The following TTC3 variants were observed in gnomAD, a reference collection of about 807,000 sequenced individuals.
TTC3 encodes the protein tetratricopeptide repeat domain 3.
TTC3 carries 180 observed loss-of-function variants against 249.6 expected under a neutral mutation model. That is an observed-to-expected ratio of 0.72 (90% CI 0.64 to 0.82). The LOEUF is 0.82. TTC3 is among the 40% of genes least tolerant of loss of function. The pLI is 0.00. For synonymous variants in TTC3, 717 were observed against 805.0 expected (o/e 0.89, Z 1.85); for missense variants, 2,061 against 2,398.4 (o/e 0.86, Z 2.94).
At chr21:37,106,554 T>G (rs764090382) in intron 10 of TTC3, among the ~76,000 whole-genome samples, 1 of 152,216 alleles carries the variant, frequency 6.6e-6, no homozygotes, top group African/African-American at 2.4e-5. Context: ...GCAGTCCATC[T>G]GGACCTGGTG....
chr21:37,074,638 A>G (rs910138918), intron 1 of TTC3, among the ~76,000 whole-genome samples: 2 of 146,352 alleles, frequency 1.4e-5, no homozygotes, highest in Non-Finnish European at 3.0e-5. Flanking sequence ...CCTTATAACT[A>G]CGACTCTAGT....
chr21:37,200,106 C>T, intron 44 of TTC3, 126 bp from the exon 45 acceptor site: 1 of 677,684 alleles, frequency 1.5e-6, no homozygotes, highest in Non-Finnish European at 2.4e-6. Flanking sequence ...GACTGTTTAG[C>T]TGTAATTGTG....
At chr21:37,186,896 A>G (rs148815529) in intron 37 of TTC3, among the ~76,000 whole-genome samples, 153 bp from the exon 38 acceptor site, 7 of 152,322 alleles carry the variant, frequency 4.6e-5, no homozygotes, top group African/African-American at 1.2e-4. Flanking sequence ...GAGCCTGTGT[A>G]TTGTGTAGTA....
intron 7 of TTC3, among the ~76,000 whole-genome samples, chr21:37,092,256 C>T (rs1399379154): frequency 6.6e-6 from 1 of 152,146 alleles, no homozygotes; most frequent in Non-Finnish European, 1.5e-5. Flanking sequence ...ACCATCTCTG[C>T]TGAGATAAAG....
intron 11 of TTC3, among the ~76,000 whole-genome samples, chr21:37,114,815 A>G (rs1307596091): frequency 6.6e-6 from 1 of 152,204 alleles, no homozygotes; most frequent in Non-Finnish European, 1.5e-5. Flanking sequence ...GGGTTAAGAA[A>G]ATATGGCACA....
In TTC3 at chr21:37,074,104, C is replaced by G. The variant is rs559657785; in HGVS notation, c.-12+740C>G. ...GTGCGTGTCACGACTCTGTTGCCAC[C>G]TGTTTTCGTGTGAACTGGCAGTCCA... On this transcript the variant is annotated intron_variant, in intron 1 of 45. Coordinates refer to ENST00000355666, the Ensembl canonical transcript of TTC3. Among the ~76,000 whole-genome samples the G allele has an allele frequency of 4.6e-5, 7 of 152,358 alleles. No homozygotes were observed. The South Asian group carries it at 1.4e-3, about 32-fold the overall frequency.
At chr21:37,156,975 G>A in intron 28 of TTC3, 69 bp downstream of exon 28, 1 of 1,536,964 alleles carries the variant, frequency 6.5e-7, no homozygotes, top group Admixed American at 1.9e-5. Context: ...GAAGGACCTA[G>A]CTTGTTTAAA....
chr21:37,131,890 A>C (rs547235325), intron 16 of TTC3, among the ~76,000 whole-genome samples: 1 of 152,226 alleles, frequency 6.6e-6, no homozygotes, highest in African/African-American at 2.4e-5. Flanking sequence ...AGATTTTCTT[A>C]CTCTCACCAA....
intron 16 of TTC3, among the ~76,000 whole-genome samples, chr21:37,131,185 G>A (rs2077441809): frequency 6.6e-6 from 1 of 152,072 alleles, no homozygotes; most frequent in South Asian, 2.1e-4. Context: ...CTAATGAGGT[G>A]ACTCAAGGTA....
chr21:37,110,065 C>A (rs1239138066), intron 11 of TTC3, among the ~76,000 whole-genome samples: 6 of 152,162 alleles, frequency 3.9e-5, no homozygotes, highest in African/African-American at 1.4e-4. Context: ...TGTACGTCAC[C>A]ATCATCAAAG....
At chr21:37,132,885 A>G (rs2077593611) in intron 17 of TTC3, 119 bp downstream of exon 17, 3 of 728,368 alleles carry the variant, frequency 4.1e-6, no homozygotes, top group Admixed American at 7.6e-5. Context: ...ATTGTATTAT[A>G]TTGTAGTTTT....
intron 27 of TTC3, 170 bp downstream of exon 27, chr21:37,153,447 G>A: frequency 3.1e-6 from 2 of 638,638 alleles, no homozygotes; most frequent in South Asian, 3.1e-5. Context: ...GGCGGAGGCA[G>A]GATGATTGCT....
At chr21:37,194,701 A>G (rs988484942) in intron 41 of TTC3, 1 of 152,190 alleles carries the variant, frequency 6.6e-6, no homozygotes, top group Non-Finnish European at 1.5e-5. Flanking sequence ...AAATTCATGT[A>G]CAGTATATGT....
At position 37,092,129 on chromosome 21, in the gene TTC3, C is replaced by G. The variant is rs2073355197; in HGVS notation, c.601+716C>G. Among the ~76,000 whole-genome samples the G allele has an allele frequency of 2.0e-5, 3 of 152,116 alleles. No individual in the cohort carries two copies. The South Asian group carries it at 6.2e-4, about 31-fold the overall frequency. ...GTAACTGCCTTACATATTTCTTTTA[C>G]TTTGTGAAATATTTTTCTTTAAAGC... On this transcript the variant is annotated intron_variant, in intron 7 of 45. Coordinates refer to ENST00000355666, the Ensembl canonical transcript of TTC3.
chr21:37,174,933 A>G (rs2082109280), intron 35 of TTC3, among the ~76,000 whole-genome samples: 1 of 152,068 alleles, frequency 6.6e-6, no homozygotes, highest in Non-Finnish European at 1.5e-5. Flanking sequence ...CTGCTAAGCA[A>G]ATTGTTTTTT....
intron 36 of TTC3, among the ~76,000 whole-genome samples, chr21:37,183,931 G>A (rs2082988940): frequency 1.3e-5 from 2 of 152,096 alleles, no homozygotes. Flanking sequence ...GGTTCACTGG[G>A]GGGCCACGCT....
chr21:37,185,357 T>C (rs1358218012), intron 36 of TTC3, among the ~76,000 whole-genome samples: 4 of 152,230 alleles, frequency 2.6e-5, no homozygotes, highest in Non-Finnish European at 5.9e-5. Context: ...TGAATGAGAA[T>C]CCACATCTTC....
rs376441910 is a variant in TTC3 at position 37,100,286 on chromosome 21, T to C, written c.845+3643T>C. The stretch of plus-strand genomic sequence containing the variant: ...ATTTTGTTAATGTTCTCTGTACTTT[T>C]ATGTATACTTGAAATATTTGATAAA... On this transcript the variant is annotated intron_variant, in intron 10 of 45. Transcript: ENST00000355666. 1.1e-4 allele frequency among the ~76,000 whole-genome samples: 16 copies of C among 152,352 alleles called. No individual in the cohort carries two copies. In the East Asian group the frequency reaches 2.7e-3, roughly 26 times the overall value.
rs563277305 is a variant in TTC3 at position 37,124,505 on chromosome 21, T to G, written c.1110-114T>G. 4 of 1,175,870 alleles carry G rather than the reference T, an allele frequency of 3.4e-6. No individual in the cohort carries two copies. The African/African-American group carries it at 6.3e-5, about 18-fold the overall frequency. 72.8% of individuals were successfully genotyped at this position (1,175,870 alleles called of 1,614,324 possible). A position where few individuals can be genotyped will look rare whatever the true frequency, so the allele number is the denominator to read the frequency against. ...CCCCATCTCACAGGTAGGAAATCTT[T>G]TTAAAACAATAATACCTTGCTTTCA... On this transcript the variant is annotated intron_variant, in intron 13 of 45. Coordinates refer to ENST00000355666, the Ensembl canonical transcript of TTC3.
Sources: gnomAD v4.1 joint callset for allele counts (sites outside exome capture counted in the v4.1 genomes callset) on GRCh38, gnomAD v4.1.1 for gene constraint, MANE v1.5 for transcripts, NCBI Gene and HGNC (gene_info 2026-07-23, HGNC 2026-07-21) for gene names.